CAMTA1: variants seen among roughly 807,000 people sequenced by gnomAD.
CAMTA1 encodes calmodulin binding transcription activator 1, also known as calmodulin-binding transcription activator 1.
CAMTA1 carries 27 observed loss-of-function variants against 170.9 expected under a neutral mutation model. The ratio of observed to expected loss-of-function variants is 0.16; its 90% CI spans 0.12 to 0.22. The LOEUF (loss-of-function observed/expected upper bound fraction) is 0.22, where lower values mean the gene tolerates loss of function less well. Ranked by LOEUF, CAMTA1 falls within the 10% of genes least tolerant of loss-of-function variation. The probability of loss-of-function intolerance (pLI) is 1.00; values close to 1 mark genes in which losing one functional copy is unlikely to be tolerated. For missense variants in CAMTA1, 1,619 were observed against 2,217.2 expected (o/e 0.73, Z 5.42); for synonymous variants, 833 against 891.5 (o/e 0.93, Z 1.17).
intron 5 of CAMTA1, among the ~76,000 whole-genome samples, chr1:7,256,239 TTAAGC>T (rs2149333881): frequency 6.6e-6 from 1 of 152,302 alleles, no homozygotes; most frequent in East Asian, 1.9e-4. Flanking sequence ...ATAAATAACA[TTAAGC>T]TAGCTCCATT....
intron 11 of CAMTA1, among the ~76,000 whole-genome samples, chr1:7,712,471 T>A (rs2096578085): frequency 6.6e-6 from 1 of 152,032 alleles, no homozygotes; most frequent in African/African-American, 2.4e-5. Flanking sequence ...CAGGTGTGCA[T>A]CACTGTGCCT....
At chr1:7,515,325 G>C (rs1557850537) in intron 6 of CAMTA1, among the ~76,000 whole-genome samples, 1 of 152,224 alleles carries the variant, frequency 6.6e-6, no homozygotes, top group Non-Finnish European at 1.5e-5. Flanking sequence ...CAGGAAGAAA[G>C]AGGCCTTAAG....
At chr1:7,183,549 G>A (rs761310607) in intron 4 of CAMTA1, among the ~76,000 whole-genome samples, 1 of 152,132 alleles carries the variant, frequency 6.6e-6, no homozygotes, top group Non-Finnish European at 1.5e-5. Flanking sequence ...CCAAAATATT[G>A]GGAACAACCT....
rs1646203217 is a variant in CAMTA1 at position 7,146,672 on chromosome 1, G to T, written c.302+55301G>T. Among the ~76,000 whole-genome samples the T allele has an allele frequency of 6.6e-6, 1 of 152,088 alleles. No individual in the cohort carries two copies. Among genetic ancestry groups the T allele is most frequent in the Non-Finnish European group, 1.5e-5 (1 of 68,012 alleles). On this transcript the variant is annotated intron_variant, in intron 4 of 22. Transcript: ENST00000303635. The surrounding 1 kb of genome is among the most constrained non-coding windows in gnomAD (Gnocchi z 4.3). ...CTTCCCTGGGACCGGCTGTGTAGGGGTTGATGTGGGCAGTCAGAGGGGGTA... is the reference window on the plus strand; with the variant it reads ...CTTCCCTGGGACCGGCTGTGTAGGGTTTGATGTGGGCAGTCAGAGGGGGTA...
chr1:7,199,376 C>A (rs1271922784), intron 4 of CAMTA1, among the ~76,000 whole-genome samples: 1 of 152,244 alleles, frequency 6.6e-6, no homozygotes, highest in East Asian at 1.9e-4. Context: ...GAGGTGGTGG[C>A]GTCAGCCCTG....
intron 6 of CAMTA1, among the ~76,000 whole-genome samples, chr1:7,473,407 G>A (rs1030232307): frequency 1.3e-5 from 2 of 152,190 alleles, no homozygotes; most frequent in Admixed American, 6.5e-5. Flanking sequence ...CAGGCTCGGG[G>A]CTCCCCCAAG....
chr1:7,602,813 A>G (rs1188996909), intron 6 of CAMTA1, among the ~76,000 whole-genome samples: 1 of 152,188 alleles, frequency 6.6e-6, no homozygotes, highest in African/African-American at 2.4e-5. Flanking sequence ...ATTTCCCTCT[A>G]CACACTGCTT....
At chr1:7,102,023 AACACACAC>A (rs57209159) in intron 4 of CAMTA1, among the ~76,000 whole-genome samples, 1,786 of 148,758 alleles carry the variant, frequency 0.012, 20 homozygotes, top group African/African-American at 0.03. Context: ...ATAAATACAC[AACACACAC>A]ACACACACAC....
intron 3 of CAMTA1, among the ~76,000 whole-genome samples, chr1:6,941,161 C>T (rs954007820): frequency 1.3e-5 from 2 of 152,092 alleles, no homozygotes; most frequent in African/African-American, 2.4e-5. Context: ...TGTCTGCTGC[C>T]CCTCTGGTAT....
chr1:7,235,621 T>C (rs1271582997), intron 4 of CAMTA1, among the ~76,000 whole-genome samples: 1 of 152,156 alleles, frequency 6.6e-6, no homozygotes, highest in Non-Finnish European at 1.5e-5. Flanking sequence ...AGCGAGACTT[T>C]GTCTCCAAAA....
At chr1:6,849,351 G>A (rs1340472743) in intron 3 of CAMTA1, among the ~76,000 whole-genome samples, 1 of 152,152 alleles carries the variant, frequency 6.6e-6, no homozygotes, top group Non-Finnish European at 1.5e-5. Flanking sequence ...AAGAAGCTGA[G>A]AGTACGGATA....
At position 7,737,562 on chromosome 1, in the gene CAMTA1, C is replaced by G. The variant is rs759968974; in HGVS notation, c.3650C>G (p.Thr1217Ser). The change falls in exon 15 of 23, where the codon ACC becomes AGC. Residue 1217 changes from threonine (T) to serine (S), a missense_variant. Physicochemically the swap from Thr to Ser is moderately conservative, Grantham distance 58. Transcript: ENST00000303635. ...IPKGVTVIAS[T>S]NPELRRPRSE... ...AAGGGAGTCACTGTTATTGCAAGCA[C>G]CAACCCAGGTAAGAATTCAGAATCA... The G allele has an allele frequency of 4.4e-6, 7 of 1,604,544 alleles. 1 individual carries two copies. The South Asian group carries it at 7.8e-5, about 18-fold the overall frequency.
Position 7,698,079 on chromosome 1 carries a change from C to A in CAMTA1, c.2914+20346C>A, listed in dbSNP as rs1035055878. Among the ~76,000 whole-genome samples the A allele has an allele frequency of 1.7e-3, 239 of 139,214 alleles. 5 individuals are homozygous for A. Among genetic ancestry groups the A allele is most frequent in the African/African-American group, 5.6e-3 (217 of 38,782 alleles). 91.3% of individuals were successfully genotyped at this position (139,214 alleles called of 152,430 possible). A position where few individuals can be genotyped will look rare whatever the true frequency, so the allele number is the denominator to read the frequency against. On this transcript the variant is annotated intron_variant, in intron 11 of 22. Coordinates refer to ENST00000303635, the MANE Select transcript of CAMTA1 (RefSeq NM_015215.4). ...CATGCTGGCCACGCACTGTGACCCC[C>A]CCCCCCCCCACCAACATGGCCTTAG...
chr1:7,155,287 A>G (rs1231446482), intron 4 of CAMTA1, among the ~76,000 whole-genome samples: 1 of 150,872 alleles, frequency 6.6e-6, no homozygotes, highest in East Asian at 2.0e-4. Context: ...AAGCCTCGTC[A>G]TGCCGGGCAG....
chr1:6,913,531 C>T (rs1169259228), intron 3 of CAMTA1, among the ~76,000 whole-genome samples: 1 of 152,222 alleles, frequency 6.6e-6, no homozygotes, highest in East Asian at 1.9e-4. Context: ...CCCCTGCCCC[C>T]AGCTTCCTCC....
intron 4 of CAMTA1, among the ~76,000 whole-genome samples, chr1:7,166,913 T>G (rs1413668711): frequency 6.6e-6 from 1 of 151,876 alleles, no homozygotes; most frequent in Non-Finnish European, 1.5e-5. Flanking sequence ...TGGGTTCAAG[T>G]GATTCTCTTA....
intron 16 of CAMTA1, among the ~76,000 whole-genome samples, chr1:7,741,379 C>T (rs371275042): frequency 1.1e-3 from 172 of 152,016 alleles, no homozygotes; most frequent in African/African-American, 3.6e-3. Flanking sequence ...CTGGCTAACA[C>T]GGTGAAACCC....
chr1:7,448,070 T>C (rs2092723282), intron 5 of CAMTA1, among the ~76,000 whole-genome samples: 1 of 152,170 alleles, frequency 6.6e-6, no homozygotes, highest in South Asian at 2.1e-4. Context: ...GCTGTCTTGA[T>C]CCTCCTCATT....
At chr1:7,301,789 C>A (rs141662909) in intron 5 of CAMTA1, among the ~76,000 whole-genome samples, 3 of 152,162 alleles carry the variant, frequency 2.0e-5, no homozygotes, top group Admixed American at 1.3e-4. Flanking sequence ...GGCAGCCTGG[C>A]CTCCTGCTAC....
Sources: allele counts gnomAD v4.1 joint callset (sites outside exome capture counted in the v4.1 genomes callset), GRCh38; gene constraint gnomAD v4.1.1; non-coding constraint Gnocchi (gnomAD v3.1); transcripts MANE v1.5; gene names NCBI Gene and HGNC (gene_info 2026-07-23, HGNC 2026-07-21).